The following SNTG1 variants were observed in gnomAD, a reference collection of about 807,000 sequenced individuals.
The protein encoded by SNTG1 is syntrophin gamma 1.
Under a neutral mutation model 74.7 loss-of-function variants are expected in SNTG1, and 39 were observed. The observed-to-expected ratio is 0.52, with a 90% confidence interval of 0.40 to 0.68. SNTG1 has a LOEUF of 0.68. Among genes scored for constraint, SNTG1 ranks in the 30% least tolerant of loss-of-function variants. The probability of loss-of-function intolerance (pLI) is 0.00; values close to 1 mark genes in which losing one functional copy is unlikely to be tolerated. For synonymous variants in SNTG1, 254 were observed against 217.1 expected, an observed-to-expected ratio of 1.17 and a Z score of -1.49; for missense variants, 685 against 609.5, an observed-to-expected ratio of 1.12 and a Z score of -1.30.
At chr8:50,392,035 C>T (rs545561406) in intron 2 of SNTG1, among the ~76,000 whole-genome samples, 25 of 152,176 alleles carry the variant, frequency 1.6e-4, no homozygotes, top group African/African-American at 5.1e-4. Context: ...CATGTAATGA[C>T]GTGCCTTGGA....
chr8:50,628,528 T>G (rs933443708), intron 13 of SNTG1, among the ~76,000 whole-genome samples: 1 of 151,884 alleles, frequency 6.6e-6, no homozygotes, highest in Non-Finnish European at 1.5e-5. Flanking sequence ...TTTACATTTA[T>G]CTTTTACTTC....
At chr8:50,095,994 T>A (rs1018217923) in intron 1 of SNTG1, among the ~76,000 whole-genome samples, 5 of 152,054 alleles carry the variant, frequency 3.3e-5, no homozygotes, top group African/African-American at 4.8e-5. Context: ...AAAAAAAAAA[T>A]TCCATGAATG....
At chr8:50,187,294 G>A (rs2083419750) in intron 2 of SNTG1, among the ~76,000 whole-genome samples, 4 of 152,066 alleles carry the variant, frequency 2.6e-5, no homozygotes, top group Admixed American at 2.6e-4. Context: ...AATGAAAACA[G>A]CAAGGTACTG....
intron 1 of SNTG1, among the ~76,000 whole-genome samples, chr8:49,994,305 G>C (rs1485896746): frequency 2.8e-5 from 4 of 140,468 alleles, no homozygotes; most frequent in African/African-American, 1.1e-4. Context: ...ACCCAGGCTA[G>C]AGTGCAATGG....
intron 1 of SNTG1, among the ~76,000 whole-genome samples, chr8:49,990,268 G>T (rs1234115161): frequency 6.6e-6 from 1 of 151,754 alleles, no homozygotes; most frequent in Non-Finnish European, 1.5e-5. Context: ...TCTGAAAATG[G>T]AACTAAGAAA....
At chr8:50,225,127 C>T (rs992774706) in intron 2 of SNTG1, among the ~76,000 whole-genome samples, 7 of 152,008 alleles carry the variant, frequency 4.6e-5, no homozygotes, top group Non-Finnish European at 7.4e-5. Context: ...CCCACCACCA[C>T]GTCCAGCTAA....
chr8:49,946,058 T>C (rs570545738), intron 1 of SNTG1, among the ~76,000 whole-genome samples: 4 of 152,280 alleles, frequency 2.6e-5, no homozygotes, highest in Non-Finnish European at 5.9e-5. Context: ...AAAGCCCCTA[T>C]TTTTTGCCAA....
intron 15 of SNTG1, among the ~76,000 whole-genome samples, chr8:50,676,823 T>C (rs1004153701): frequency 6.6e-6 from 1 of 151,998 alleles, no homozygotes; most frequent in African/African-American, 2.4e-5. Flanking sequence ...ATTCTCACTA[T>C]TTTTTAAAGA....
intron 16 of SNTG1, among the ~76,000 whole-genome samples, chr8:50,706,827 A>G (rs1221574000): frequency 2.0e-5 from 3 of 151,990 alleles, no homozygotes; most frequent in Non-Finnish European, 2.9e-5. Flanking sequence ...TTAATTTATC[A>G]CTTCCAGTAA....
At chr8:50,616,507 G>T (rs930516528) in intron 13 of SNTG1, among the ~76,000 whole-genome samples, 1 of 152,190 alleles carries the variant, frequency 6.6e-6, no homozygotes, top group African/African-American at 2.4e-5. Context: ...CACTGACAAG[G>T]TGAAAAAGCC....
chr8:50,103,533 G>C (rs1044068187), intron 1 of SNTG1, among the ~76,000 whole-genome samples: 16 of 151,804 alleles, frequency 1.1e-4, no homozygotes, highest in Middle Eastern at 6.8e-3. Flanking sequence ...TCCTCTTTTC[G>C]TAATCGAATA....
At chr8:50,329,930 C>A (rs769633411) in intron 2 of SNTG1, among the ~76,000 whole-genome samples, 8 of 152,136 alleles carry the variant, frequency 5.3e-5, no homozygotes, top group Non-Finnish European at 1.2e-4. Context: ...TTCCACAGAT[C>A]TCTAAGGCAG....
intron 12 of SNTG1, among the ~76,000 whole-genome samples, chr8:50,570,276 A>ATTTTATTTTATTTTATTTTATTT: frequency 2.5e-5 from 1 of 40,038 alleles, no homozygotes; most frequent in Admixed American, 3.5e-4. Context: ...ATTTTATTTT[A>ATTTTATTTTATTTTATTTTATTT]TAGATGGAGT....
chr8:49,954,432 T>C (rs1473697175), intron 1 of SNTG1, among the ~76,000 whole-genome samples: 1 of 152,170 alleles, frequency 6.6e-6, no homozygotes, highest in East Asian at 1.9e-4. Context: ...AATTTGTAAA[T>C]GCTGCTATTT....
intron 1 of SNTG1, among the ~76,000 whole-genome samples, chr8:50,036,699 T>C (rs1311855613): frequency 6.6e-6 from 1 of 152,212 alleles, no homozygotes. Flanking sequence ...ATTTATTATG[T>C]ATAAATGTAT....
At chr8:50,499,297 T>TAGA (rs1410059513) in intron 8 of SNTG1, among the ~76,000 whole-genome samples, 10 of 151,906 alleles carry the variant, frequency 6.6e-5, no homozygotes, top group African/African-American at 2.4e-4. Flanking sequence ...ATTTCATGGT[T>TAGA]TTGGTGATTT....
At chr8:50,413,828 T>G (rs985525396) in intron 4 of SNTG1, among the ~76,000 whole-genome samples, 1 of 152,194 alleles carries the variant, frequency 6.6e-6, no homozygotes, top group African/African-American at 2.4e-5. Context: ...ATCTCTCTCT[T>G]TGGTTACATT....
At chr8:50,460,000 G>T (rs368743060) in intron 8 of SNTG1, among the ~76,000 whole-genome samples, 1 of 152,180 alleles carries the variant, frequency 6.6e-6, no homozygotes, top group African/African-American at 2.4e-5. Flanking sequence ...TCTGTAAAAT[G>T]ATTTGTTTTA....
chr8:50,585,711 T>C (rs1379223077), intron 12 of SNTG1, among the ~76,000 whole-genome samples: 2 of 152,114 alleles, frequency 1.3e-5, no homozygotes, highest in African/African-American at 4.8e-5. Flanking sequence ...TGACTGTATA[T>C]AATATAGCAG....
Sources: allele counts gnomAD v4.1 joint callset (sites outside exome capture counted in the v4.1 genomes callset), GRCh38; gene constraint gnomAD v4.1.1; transcripts MANE v1.5; gene names NCBI Gene and HGNC (gene_info 2026-07-23, HGNC 2026-07-21).